CNTNAP2: variants seen among roughly 807,000 people sequenced by gnomAD.
CNTNAP2 encodes contactin-associated protein-like 2.
In CNTNAP2, 98 loss-of-function variants were observed where a neutral mutation model predicts 155.2. The observed-to-expected ratio is 0.63, with a 90% CI of 0.54 to 0.75. The LOEUF is 0.75. CNTNAP2 is among the 30% of genes least tolerant of loss of function. The pLI is 0.00. For synonymous variants in CNTNAP2, 651 were observed against 631.2 expected, an observed-to-expected ratio of 1.03 and a Z score of -0.47; for missense variants, 1,727 against 1,688.1, an observed-to-expected ratio of 1.02 and a Z score of -0.40.
At chr7:147,985,286 G>A (rs192753206) in intron 15 of CNTNAP2, among the ~76,000 whole-genome samples, 1 of 151,688 alleles carries the variant, frequency 6.6e-6, no homozygotes, top group East Asian at 1.9e-4. Flanking sequence ...CACTGGGGGT[G>A]GGGGGTGGGG....
intron 12 of CNTNAP2, among the ~76,000 whole-genome samples, chr7:147,584,967 T>C (rs1324663766): frequency 6.6e-6 from 1 of 152,146 alleles, no homozygotes; most frequent in Admixed American, 6.5e-5. Flanking sequence ...TTGATTGGCA[T>C]GACCCTCAGT....
In CNTNAP2 at chr7:148,305,067, A is replaced by AAG. The variant is rs1554415285; in HGVS notation, c.3475+37942_3475+37943insGA. Among the ~76,000 whole-genome samples, 55 of 148,634 alleles carry AAG rather than the reference A, an allele frequency of 3.7e-4. 1 individual carries two copies. The highest frequency in any genetic ancestry group is 6.5e-4 in the South Asian group (3 of 4,618). On this transcript the variant is annotated intron_variant, in intron 21 of 23. Transcript: ENST00000361727. ...TCCTGTCTCTACAAAAAAAAAAAAAAAAGACATTAACTTGGTATTATGGTG... is the reference window on the plus strand; with the variant it reads ...TCCTGTCTCTACAAAAAAAAAAAAAAAGAAGACATTAACTTGGTATTATGGTG...
intron 3 of CNTNAP2, among the ~76,000 whole-genome samples, chr7:146,902,685 G>A (rs142580633): frequency 5.3e-4 from 81 of 152,124 alleles, no homozygotes; most frequent in Admixed American, 2.8e-3. Context: ...GCCAGTGAAC[G>A]TTAACCTAGT....
intron 13 of CNTNAP2, among the ~76,000 whole-genome samples, chr7:147,746,437 A>G (rs75871116): frequency 0.011 from 1,671 of 152,272 alleles, 95 homozygotes; most frequent in Admixed American, 0.087. Context: ...TGGGCAAGCC[A>G]GTCTCACACG....
chr7:148,306,629 T>A (rs548078858), intron 21 of CNTNAP2, among the ~76,000 whole-genome samples: 1 of 152,288 alleles, frequency 6.6e-6, no homozygotes, highest in South Asian at 2.1e-4. Flanking sequence ...AATGTTCCTT[T>A]TTTTAAATCA....
intron 13 of CNTNAP2, among the ~76,000 whole-genome samples, chr7:147,870,731 A>G (rs1189615321): frequency 6.6e-6 from 1 of 152,120 alleles, no homozygotes; most frequent in Non-Finnish European, 1.5e-5. Context: ...AAGGCCAACA[A>G]TACACTTCTT....
At chr7:147,139,763 G>A (rs1238749653) in intron 8 of CNTNAP2, among the ~76,000 whole-genome samples, 1 of 152,054 alleles carries the variant, frequency 6.6e-6, no homozygotes, top group Non-Finnish European at 1.5e-5. Flanking sequence ...CTGAAAGAAT[G>A]ACTCCTTTGG....
intron 3 of CNTNAP2, among the ~76,000 whole-genome samples, chr7:146,982,362 AC>A (rs1798033925): frequency 6.6e-6 from 1 of 152,066 alleles, no homozygotes; most frequent in African/African-American, 2.4e-5. Context: ...AAACATTAAC[AC>A]CCCATTCTTT....
At chr7:146,322,607 A>G (rs1007594299) in intron 1 of CNTNAP2, among the ~76,000 whole-genome samples, 6 of 142,516 alleles carry the variant, frequency 4.2e-5, no homozygotes, top group African/African-American at 1.6e-4. Context: ...TCTCCTGTGA[A>G]TAAGAGGAGA....
At chr7:146,206,856 A>T (rs578240877) in intron 1 of CNTNAP2, among the ~76,000 whole-genome samples, 2 of 152,068 alleles carry the variant, frequency 1.3e-5, no homozygotes, top group African/African-American at 2.4e-5. Flanking sequence ...AAATGTTTAC[A>T]TTTCTCTCAA....
chr7:147,196,801 A>G (rs1802809831), intron 8 of CNTNAP2, among the ~76,000 whole-genome samples: 1 of 152,206 alleles, frequency 6.6e-6, no homozygotes, highest in Non-Finnish European at 1.5e-5. Context: ...CGAAAAATAT[A>G]CAGCTAAGAG....
chr7:146,737,285 A>C (rs1046593168), intron 1 of CNTNAP2, among the ~76,000 whole-genome samples: 2 of 152,098 alleles, frequency 1.3e-5, no homozygotes, highest in Non-Finnish European at 2.9e-5. Context: ...TTTTGTAGTG[A>C]GAAAACTTCA....
intron 8 of CNTNAP2, among the ~76,000 whole-genome samples, chr7:147,275,225 A>G (rs1233700445): frequency 2.0e-5 from 3 of 152,056 alleles, no homozygotes. Context: ...TAGGAATTGC[A>G]TTAAATCTGT....
At chr7:147,557,168 G>A (rs987556435) in intron 11 of CNTNAP2, among the ~76,000 whole-genome samples, 1 of 151,954 alleles carries the variant, frequency 6.6e-6, no homozygotes, top group Non-Finnish European at 1.5e-5. Flanking sequence ...GGAAGCTAAC[G>A]CAAGAGGATC....
chr7:148,268,640 G>A (rs943153523), intron 21 of CNTNAP2, among the ~76,000 whole-genome samples: 4 of 122,198 alleles, frequency 3.3e-5, no homozygotes, highest in African/African-American at 1.3e-4. Context: ...GGGCGACAGA[G>A]GGAGACTCTG....
rs146456516 is a variant in CNTNAP2, at chr7:146,927,396, C to T, written c.402+87492C>T. 8.6e-3 allele frequency among the ~76,000 whole-genome samples: 1,315 copies of T among 152,200 alleles called. 15 individuals are homozygous for T. Among genetic ancestry groups the T allele is most frequent in the Non-Finnish European group, 0.011 (771 of 67,980 alleles). On this transcript the variant is annotated intron_variant, in intron 3 of 23. Coordinates refer to ENST00000361727, the MANE Select transcript of CNTNAP2 (RefSeq NM_014141.6). ...GTGATCTAGCTATGATTAAGTAAAT[C>T]TGATTTAAAAAGTCTGCAGTTTCTC... is the stretch of plus-strand genomic sequence containing the variant.
intron 10 of CNTNAP2, among the ~76,000 whole-genome samples, chr7:147,445,015 A>C (rs758537356): frequency 6.6e-6 from 1 of 152,170 alleles, no homozygotes; most frequent in Non-Finnish European, 1.5e-5. Context: ...GCTTTCAAAC[A>C]ACCAGATCTC....
Position 147,283,151 on chromosome 7 carries a change from A to G in CNTNAP2, c.1349-16990A>G, listed in dbSNP as rs1463634794. Among the ~76,000 whole-genome samples the G allele has an allele frequency of 9.9e-5, 15 of 151,902 alleles. No homozygotes were observed. The East Asian group carries it at 2.9e-3, about 29-fold the overall frequency. ...ATTTCATGAGTTTTTTGACACATCT[A>G]TACCCCCATCTAATGAGTTTTAAAG... On this transcript the variant is annotated intron_variant, in intron 8 of 23. Transcript: ENST00000361727.
intron 1 of CNTNAP2, among the ~76,000 whole-genome samples, chr7:146,365,874 T>C (rs1795147925): frequency 6.6e-6 from 1 of 152,212 alleles, no homozygotes; most frequent in Non-Finnish European, 1.5e-5. Flanking sequence ...AGAGTAAGTG[T>C]GCAAAGTAAC....
Sources: allele counts gnomAD v4.1 joint callset (sites outside exome capture counted in the v4.1 genomes callset), GRCh38; gene constraint gnomAD v4.1.1; transcripts MANE v1.5; gene names NCBI Gene and HGNC (gene_info 2026-07-23, HGNC 2026-07-21).